FAM47E: variants seen among roughly 807,000 people sequenced by gnomAD.
FAM47E encodes family with sequence similarity 47 member E.
A neutral mutation model predicts 41.6 loss-of-function variants in FAM47E; 32 were observed. The ratio of observed to expected loss-of-function variants is 0.77; its 90% CI spans 0.58 to 1.03. FAM47E has a LOEUF of 1.03. Ranked by LOEUF, FAM47E falls within the 50% of genes least tolerant of loss-of-function variation. The pLI, the probability that FAM47E is intolerant of heterozygous loss-of-function variation, is 0.00. For missense variants in FAM47E, 424 were observed against 485.4 expected, an observed-to-expected ratio of 0.87 and a Z score of 1.19; for synonymous variants, 184 against 188.7, an observed-to-expected ratio of 0.98 and a Z score of 0.20.
At chr4:76,243,573 G>A (rs1733755886) in intron 2 of FAM47E, among the ~76,000 whole-genome samples, 2 of 152,168 alleles carry the variant, frequency 1.3e-5, no homozygotes, top group African/African-American at 2.4e-5. Flanking sequence ...CAGGTGCAGA[G>A]CATTGCTTAA....
intron 2 of FAM47E, among the ~76,000 whole-genome samples, chr4:76,228,049 A>T (rs757723881): frequency 6.6e-6 from 1 of 151,716 alleles, no homozygotes; most frequent in Non-Finnish European, 1.5e-5. Flanking sequence ...TTGAGATGTA[A>T]GGTACTTTTT....
chr4:76,246,492 A>G (rs1043604113), intron 2 of FAM47E, among the ~76,000 whole-genome samples: 6 of 151,914 alleles, frequency 3.9e-5, no homozygotes, highest in African/African-American at 4.8e-5. Context: ...TGGGGTAGAG[A>G]TTTCTCTAGG....
At chr4:76,218,959 A>G (rs59494864) in intron 2 of FAM47E, among the ~76,000 whole-genome samples, 1 of 152,304 alleles carries the variant, frequency 6.6e-6, no homozygotes, top group African/African-American at 2.4e-5. Flanking sequence ...TAGACATTCT[A>G]TTTTAAGGAT....
At chr4:76,219,363 G>A (rs1397207492) in intron 2 of FAM47E, among the ~76,000 whole-genome samples, 1 of 152,180 alleles carries the variant, frequency 6.6e-6, no homozygotes, top group Non-Finnish European at 1.5e-5. Context: ...GACGTGAAAT[G>A]TATTCTAGTC....
At chr4:76,222,387 C>G (rs1733324944) in intron 2 of FAM47E, among the ~76,000 whole-genome samples, 2 of 152,178 alleles carry the variant, frequency 1.3e-5, no homozygotes, top group Admixed American at 6.5e-5. Context: ...CCACCATGCC[C>G]AGCTAATTTT....
At chr4:76,222,222 A>T in intron 2 of FAM47E, among the ~76,000 whole-genome samples, 1 of 149,438 alleles carries the variant, frequency 6.7e-6, no homozygotes, top group Non-Finnish European at 1.5e-5. Context: ...CATATTTCCT[A>T]TCTTCTTTTT....
intron 5 of FAM47E, among the ~76,000 whole-genome samples, chr4:76,277,568 A>G (rs546378007): frequency 3.3e-5 from 5 of 152,186 alleles, no homozygotes; most frequent in Non-Finnish European, 1.5e-5. Context: ...ATATTGTAGC[A>G]TGTGCAAGGC....
chr4:76,277,255 C>T (rs559412209), intron 5 of FAM47E, among the ~76,000 whole-genome samples: 15 of 152,172 alleles, frequency 9.9e-5, no homozygotes, highest in East Asian at 1.9e-4. Flanking sequence ...GAGGCCGAGG[C>T]GGGCGGATCA....
At chr4:76,262,199 A>T (rs1372674313) in intron 2 of FAM47E, among the ~76,000 whole-genome samples, 2 of 152,210 alleles carry the variant, frequency 1.3e-5, no homozygotes, top group South Asian at 2.1e-4. Flanking sequence ...GAAGAATTTT[A>T]AAAAGAGCAG....
intron 2 of FAM47E, among the ~76,000 whole-genome samples, chr4:76,237,353 T>G (rs1424130933): frequency 1.3e-3 from 8 of 6,082 alleles, no homozygotes; most frequent in African/African-American, 2.1e-3. Flanking sequence ...GCCTTAGAGT[T>G]TTTTTTTTTT....
At chr4:76,256,007 C>T (rs1028867937) in intron 1 of FAM47E, among the ~76,000 whole-genome samples, 171 bp from the exon 2 acceptor site, 7 of 152,086 alleles carry the variant, frequency 4.6e-5, no homozygotes, top group Non-Finnish European at 1.0e-4. Flanking sequence ...GTGCTATGAA[C>T]TAGGAATATG....
At chr4:76,242,078 G>C (rs1466008137) in intron 2 of FAM47E, among the ~76,000 whole-genome samples, 2 of 152,182 alleles carry the variant, frequency 1.3e-5, no homozygotes, top group African/African-American at 4.8e-5. Context: ...GTTGCCAACA[G>C]ATCTTTTCTA....
chr4:76,226,633 C>A (rs1733403800), intron 2 of FAM47E, among the ~76,000 whole-genome samples: 2 of 152,134 alleles, frequency 1.3e-5, no homozygotes, highest in South Asian at 4.1e-4. Context: ...TGTTCCAAGA[C>A]TCTTCTACGT....
chr4:76,263,236 A>G (rs1482190449), intron 2 of FAM47E, among the ~76,000 whole-genome samples: 3 of 152,200 alleles, frequency 2.0e-5, no homozygotes, highest in East Asian at 1.9e-4. Flanking sequence ...CCCTGCTCAT[A>G]TTATAGCCAT....
intron 2 of FAM47E, among the ~76,000 whole-genome samples, chr4:76,240,061 A>G (rs1358234522): frequency 6.6e-6 from 1 of 152,132 alleles, no homozygotes; most frequent in Non-Finnish European, 1.5e-5. Context: ...CCATTGGTCT[A>G]TATGTCTGTC....
At chr4:76,229,324 C>T (rs981979255) in intron 2 of FAM47E, among the ~76,000 whole-genome samples, 1 of 152,176 alleles carries the variant, frequency 6.6e-6, no homozygotes, top group African/African-American at 2.4e-5. Flanking sequence ...AATCAACCTT[C>T]TGAATTCTTC....
intron 2 of FAM47E, among the ~76,000 whole-genome samples, chr4:76,225,237 T>C (rs757600540): frequency 1.2e-4 from 18 of 152,244 alleles, no homozygotes; most frequent in Admixed American, 8.5e-4. Context: ...TGTATTGTGC[T>C]GCTATAAAGA....
chr4:76,258,994 G>T (rs1734296903), intron 2 of FAM47E, among the ~76,000 whole-genome samples: 1 of 152,150 alleles, frequency 6.6e-6, no homozygotes, highest in Non-Finnish European at 1.5e-5. Flanking sequence ...TGTTATTTTG[G>T]ATGTGTCTGA....
At chr4:76,243,189 CTG>C (rs1180597990) in intron 2 of FAM47E, among the ~76,000 whole-genome samples, 1 of 152,232 alleles carries the variant, frequency 6.6e-6, no homozygotes, top group Non-Finnish European at 1.5e-5. Flanking sequence ...TTCTCCAGAA[CTG>C]TTTCTGTTGC....
Sources: allele counts gnomAD v4.1 joint callset (sites outside exome capture counted in the v4.1 genomes callset), GRCh38; gene constraint gnomAD v4.1.1; transcripts MANE v1.5; gene names NCBI Gene and HGNC (gene_info 2026-07-23, HGNC 2026-07-21).